SLC39A14: variants seen among roughly 807,000 people sequenced by gnomAD.
The protein encoded by SLC39A14 is metal cation symporter ZIP14.
Under a neutral mutation model 45.5 loss-of-function variants are expected in SLC39A14, and 19 were observed. The observed-to-expected ratio is 0.42, with a 90% confidence interval of 0.29 to 0.61. The LOEUF is 0.61. Among genes scored for constraint, SLC39A14 ranks in the 20% least tolerant of loss-of-function variants. SLC39A14 has a pLI of 0.22. For missense variants in SLC39A14, 447 were observed against 616.5 expected (o/e 0.73, Z 2.91); for synonymous variants, 264 against 251.3 (o/e 1.05, Z -0.48).
chr8:22,400,837 A>G (rs1424526271), intron 1 of SLC39A14, among the ~76,000 whole-genome samples: 1 of 152,222 alleles, frequency 6.6e-6, no homozygotes, highest in Non-Finnish European at 1.5e-5. Context: ...TATGCCTGAC[A>G]GTTTCATTAG....
intron 1 of SLC39A14, among the ~76,000 whole-genome samples, chr8:22,368,763 C>G (rs530712636): frequency 6.6e-6 from 1 of 152,244 alleles, no homozygotes; most frequent in Admixed American, 6.5e-5. Context: ...GTCTCGATCT[C>G]CTGACCTCGT....
chr8:22,411,874 C>G (rs1835589346), intron 3 of SLC39A14, 163 bp from the exon 4 acceptor site: 3 of 605,938 alleles, frequency 5.0e-6, no homozygotes, highest in Non-Finnish European at 8.6e-6. Context: ...CTACTTGTCT[C>G]TCTCTGATTT....
chr8:22,372,014 A>G (rs1832966945), intron 1 of SLC39A14, among the ~76,000 whole-genome samples: 1 of 152,080 alleles, frequency 6.6e-6, no homozygotes, highest in South Asian at 2.1e-4. Context: ...AAGTGCTGGG[A>G]TTACAGGTGT....
intron 1 of SLC39A14, among the ~76,000 whole-genome samples, chr8:22,403,077 C>T (rs1412323090): frequency 2.0e-5 from 3 of 151,502 alleles, no homozygotes; most frequent in East Asian, 2.0e-4. Context: ...GCAGGGTTCA[C>T]GCCATTCTCC....
At chr8:22,408,234 T>C in intron 2 of SLC39A14, 76 bp from the exon 3 acceptor site, 7 of 1,309,538 alleles carry the variant, frequency 5.3e-6, no homozygotes, top group Non-Finnish European at 7.5e-6. Flanking sequence ...CTGGGAAGGC[T>C]GAGTAGGTTG....
intron 1 of SLC39A14, among the ~76,000 whole-genome samples, chr8:22,397,030 A>G (rs774722242): frequency 6.6e-6 from 1 of 151,624 alleles, no homozygotes; most frequent in Non-Finnish European, 1.5e-5. Context: ...TTACACTCCT[A>G]TTTCATTTTT....
At chr8:22,410,223 G>A (rs1835490163) in intron 3 of SLC39A14, 1 of 1,148,650 alleles carries the variant, frequency 8.7e-7, no homozygotes, top group Admixed American at 1.9e-5. Flanking sequence ...ACTGCCACCT[G>A]AGAAATGAAC....
In SLC39A14 at chr8:22,419,588, A is replaced by C. The variant is rs1836105059; in HGVS notation, c.1369A>C (p.Arg457=). Residue 457 remains arginine, a synonymous_variant, in exon 9 of 9, where the codon AGG becomes CGG. Coordinates refer to ENST00000381237, the MANE Select transcript of SLC39A14 (RefSeq NM_001128431.4). The part of the protein sequence containing the change: ...EMNEVCQEDE[R]KGSILIPFII... The stretch of plus-strand genomic sequence containing the variant: ...GAATGAGGTCTGTCAAGAGGATGAA[A>C]GGAAGGGCAGCATCTTGATTCCATT... 6.2e-7 allele frequency: 1 copy of C among 1,614,012 alleles called. No individual in the cohort carries two copies.
Position 22,367,298 on chromosome 8 carries a change from G to C in SLC39A14, c.-126G>C, listed in dbSNP as rs545244671. ...CCGGGGCCCGGACGCAGTGAGGGGGGTCGGCGCGCGTGTCTACGCGGACGC... is the reference window on the plus strand; with the variant it reads ...CCGGGGCCCGGACGCAGTGAGGGGGCTCGGCGCGCGTGTCTACGCGGACGC... On this transcript the variant is annotated 5_prime_UTR_variant, in exon 1 of 9. Transcript: ENST00000381237. The surrounding 1 kb of genome is among the most constrained non-coding windows in gnomAD (Gnocchi z 4.2). 6 of 151,810 alleles carry C rather than the reference G, an allele frequency of 4.0e-5. No individual in the cohort carries two copies. Among genetic ancestry groups the C allele is most frequent in the African/African-American group, 1.4e-4 (6 of 41,516 alleles). 9.4% of individuals were successfully genotyped at this position (151,810 alleles called of 1,614,324 possible). A position where few individuals can be genotyped will look rare whatever the true frequency, so the allele number is the denominator to read the frequency against.
intron 1 of SLC39A14, among the ~76,000 whole-genome samples, chr8:22,389,240 T>A (rs1400214563): frequency 6.6e-6 from 1 of 152,136 alleles, no homozygotes; most frequent in African/African-American, 2.4e-5. Context: ...TGGGGGGAAG[T>A]GCTAAGAGTT....
downstream of SLC39A14, among the ~76,000 whole-genome samples, chr8:22,422,914 C>G (rs898843977): frequency 3.3e-5 from 5 of 152,216 alleles, no homozygotes; most frequent in East Asian, 3.9e-4. Context: ...ACCTCCACCT[C>G]CTGGGTTCAA....
At chr8:22,412,835 T>G (rs1305537869) in intron 4 of SLC39A14, among the ~76,000 whole-genome samples, 1 of 152,048 alleles carries the variant, frequency 6.6e-6, no homozygotes, top group Non-Finnish European at 1.5e-5. Context: ...TCCCAGCTAT[T>G]CGGGAGGCAC....
chr8:22,423,645 T>C (rs970707972), downstream of SLC39A14, among the ~76,000 whole-genome samples: 1 of 152,042 alleles, frequency 6.6e-6, no homozygotes, highest in African/African-American at 2.4e-5. Flanking sequence ...TTTGAATTTT[T>C]AATAGAGATG....
At chr8:22,423,292 T>C (rs4872490), downstream of SLC39A14, among the ~76,000 whole-genome samples, 73,655 of 151,318 alleles carry the variant, frequency 0.49, 19,485 homozygotes, top group African/African-American at 0.69. Flanking sequence ...TACAGGCATG[T>C]AGTACCATGC....
In SLC39A14 at chr8:22,415,919, G is replaced by A; in HGVS notation, c.901G>A (p.Val301Met). The A allele has an allele frequency of 1.9e-6, 3 of 1,608,988 alleles. No individual in the cohort carries two copies. The highest frequency in any genetic ancestry group is 2.5e-6 in the Non-Finnish European group (3 of 1,177,294). The part of the protein sequence containing the change: ...SSELDGKAPM[V>M]DEKVIVGSLS... The stretch of plus-strand genomic sequence containing the variant: ...TGAGCTGGACGGCAAGGCGCCCATG[G>A]TGGACGAGAAGGTCATTGTGGGCTC... Residue 301 changes from valine to methionine, a missense_variant, in exon 6 of 9, where the codon GTG (valine) becomes ATG (methionine). Coordinates refer to ENST00000381237, the MANE Select transcript of SLC39A14 (RefSeq NM_001128431.4).
chr8:22,396,571 A>G lies in SLC39A14; in HGVS notation c.-15-8125A>G, dbSNP rs919993338. 4.0e-5 allele frequency among the ~76,000 whole-genome samples: 3 copies of G among 75,276 alleles called. No individual in the cohort carries two copies. In the Admixed American group the frequency reaches 4.4e-4, roughly 11 times the overall value. The allele number at this position is 75,276 out of a possible 152,430, so 49.4% of individuals were successfully genotyped here. Reference sequence around the variant, plus strand: ...GAGAGAGAGAGAGAGAGAGAGAGAGAGAGAGAGAGAGAGAGAGAGAGAGAG... The same window carrying G: ...GAGAGAGAGAGAGAGAGAGAGAGAGGGAGAGAGAGAGAGAGAGAGAGAGAG... On this transcript the variant is annotated intron_variant, in intron 1 of 8. Coordinates refer to ENST00000381237, the MANE Select transcript of SLC39A14 (RefSeq NM_001128431.4).
At chr8:22,374,196 G>A (rs1425044287) in intron 1 of SLC39A14, among the ~76,000 whole-genome samples, 1 of 152,234 alleles carries the variant, frequency 6.6e-6, no homozygotes, top group Non-Finnish European at 1.5e-5. Flanking sequence ...TGGGGTTGGG[G>A]GGAGGTTGGC....
intron 1 of SLC39A14, among the ~76,000 whole-genome samples, chr8:22,389,025 C>T (rs946667133): frequency 2.0e-5 from 3 of 151,972 alleles, no homozygotes; most frequent in East Asian, 1.9e-4. Flanking sequence ...GCAGGGACGA[C>T]GCAGGGGCTG....
chr8:22,419,547 C>T lies in SLC39A14; in HGVS notation c.1333-5C>T. On this transcript the variant is annotated splice_region_variant and splice_polypyrimidine_tract_variant and intron_variant, in intron 8 of 8. Transcript: ENST00000381237. ...CAGCTGTGTTGTTTCTTGCTTCTTT[C>T]CCAGTTCCCTGAGATGAATGAGGTC... 1 of 1,608,670 alleles carries T rather than the reference C, an allele frequency of 6.2e-7. No individual in the cohort carries two copies. Among genetic ancestry groups the T allele is most frequent in the Non-Finnish European group, 8.5e-7 (1 of 1,177,958 alleles).
Sources: allele counts gnomAD v4.1 joint callset (sites outside exome capture counted in the v4.1 genomes callset), GRCh38; gene constraint gnomAD v4.1.1; non-coding constraint Gnocchi (gnomAD v3.1); transcripts MANE v1.5; gene names NCBI Gene and HGNC (gene_info 2026-07-23, HGNC 2026-07-21).